ANO3: variants seen among roughly 807,000 people sequenced by gnomAD.
ANO3 encodes the protein anoctamin-3.
A neutral mutation model predicts 144.8 loss-of-function variants in ANO3; 99 were observed. The ratio of observed to expected loss-of-function variants is 0.68; its 90% CI spans 0.58 to 0.81. The LOEUF (loss-of-function observed/expected upper bound fraction) is 0.81. ANO3 is among the 30% of genes least tolerant of loss of function. The pLI is 0.00. For synonymous variants in ANO3, 414 were observed against 392.6 expected (o/e 1.05, Z -0.64); for missense variants, 905 against 1,202.2 (o/e 0.75, Z 3.66).
chr11:26,435,175 T>A (rs1858250295), intron 1 of ANO3, among the ~76,000 whole-genome samples: 2 of 152,162 alleles, frequency 1.3e-5, no homozygotes, highest in African/African-American at 4.8e-5. Flanking sequence ...GTAATGCACT[T>A]CTTTGTCTTT....
intron 1 of ANO3, among the ~76,000 whole-genome samples, chr11:26,295,933 G>A (rs1377395203): frequency 6.6e-6 from 1 of 152,104 alleles, no homozygotes; most frequent in Non-Finnish European, 1.5e-5. Flanking sequence ...AGATGTTTCT[G>A]TTTTTATTCA....
intron 10 of ANO3, among the ~76,000 whole-genome samples, chr11:26,538,258 A>G (rs1590485508): frequency 6.6e-6 from 1 of 152,346 alleles, no homozygotes; most frequent in East Asian, 1.9e-4. Context: ...TCTGTTTTGT[A>G]TATAGGTAAC....
At chr11:26,453,151 C>A (rs1859014663) in intron 3 of ANO3, among the ~76,000 whole-genome samples, 1 of 152,184 alleles carries the variant, frequency 6.6e-6, no homozygotes, top group Non-Finnish European at 1.5e-5. Context: ...ACCATTGAGA[C>A]TAGGAAGACA....
chr11:26,639,387 C>T, intron 21 of ANO3, 146 bp downstream of exon 21: 1 of 622,704 alleles, frequency 1.6e-6, no homozygotes, highest in South Asian at 1.9e-5. Flanking sequence ...AATGTCTGCC[C>T]ATGTGTAAAT....
upstream of ANO3, chr11:26,332,114 G>A (rs1378446356): frequency 2.0e-6 from 3 of 1,482,902 alleles, no homozygotes; most frequent in East Asian, 2.5e-5. Context: ...CAACGACACC[G>A]GCGGGCGCGT....
At chr11:26,352,740 C>A (rs1855680376) in intron 1 of ANO3, among the ~76,000 whole-genome samples, 1 of 152,192 alleles carries the variant, frequency 6.6e-6, no homozygotes, top group Non-Finnish European at 1.5e-5. Flanking sequence ...TGTTGACTTA[C>A]AACTTCTTCA....
intron 1 of ANO3, among the ~76,000 whole-genome samples, chr11:26,437,182 C>G (rs1858326520): frequency 6.6e-6 from 1 of 152,140 alleles, no homozygotes; most frequent in Non-Finnish European, 1.5e-5. Flanking sequence ...AGCTTCTTTC[C>G]TAGGGGTATG....
chr11:26,383,001 T>C (rs1214791897), intron 1 of ANO3, among the ~76,000 whole-genome samples: 2 of 152,168 alleles, frequency 1.3e-5, no homozygotes, highest in Non-Finnish European at 2.9e-5. Context: ...TCTATTAACA[T>C]TGTGATCTTC....
chr11:26,624,058 T>G (rs1249522215), intron 17 of ANO3, among the ~76,000 whole-genome samples: 2 of 152,100 alleles, frequency 1.3e-5, no homozygotes, highest in African/African-American at 4.8e-5. Context: ...AGTGCTGGGA[T>G]TACAGGCGTG....
chr11:26,541,626 A>C (rs555486881), intron 10 of ANO3, among the ~76,000 whole-genome samples: 1 of 90,334 alleles, frequency 1.1e-5, no homozygotes, highest in South Asian at 3.8e-4. Context: ...AATTTCTCTC[A>C]ATGATGGTGA....
intron 1 of ANO3, among the ~76,000 whole-genome samples, chr11:26,381,641 G>A (rs1856592159): frequency 6.6e-6 from 1 of 152,170 alleles, no homozygotes; most frequent in Non-Finnish European, 1.5e-5. Context: ...TTTGTTGACT[G>A]AAAGAATGAT....
chr11:26,326,360 CCTTT>C (rs1854881969), intron 1 of ANO3, among the ~76,000 whole-genome samples: 1 of 152,056 alleles, frequency 6.6e-6, no homozygotes, highest in African/African-American at 2.4e-5. Context: ...AAAAAATAAA[CCTTT>C]TCGCCCCATC....
chr11:26,460,014 C>T (rs1859325158), intron 3 of ANO3: 2 of 412,612 alleles, frequency 4.8e-6, no homozygotes, highest in Admixed American at 5.8e-5. Context: ...GGATGCGCCT[C>T]CATGATCCAA....
At position 26,663,015 on chromosome 11, in the gene ANO3, T is replaced by C. The variant is rs1853922422; in HGVS notation, c.*2571T>C. ...TGTCTTTTCAAGCAAATAACTAATA[T>C]ATATGTGCATGCAGTCTGCCTTGAC... On this transcript the variant is annotated 3_prime_UTR_variant, in exon 27 of 27. Transcript: ENST00000256737. The C allele has an allele frequency of 6.6e-6, 1 of 152,460 alleles. No homozygotes were observed. 9.4% of individuals were successfully genotyped at this position (152,460 alleles called of 1,614,324 possible).
chr11:26,307,813 A>G (rs1854418971), upstream of ANO3, among the ~76,000 whole-genome samples: 1 of 151,698 alleles, frequency 6.6e-6, no homozygotes, highest in Non-Finnish European at 1.5e-5. Context: ...CACATGATTG[A>G]ATTGCACTAC....
intron 7 of ANO3, among the ~76,000 whole-genome samples, chr11:26,528,995 T>C (rs1238914225): frequency 6.9e-6 from 1 of 145,012 alleles, no homozygotes; most frequent in Non-Finnish European, 1.5e-5. Flanking sequence ...AAGTAAGTGA[T>C]AACCTTACTT....
intron 4 of ANO3, among the ~76,000 whole-genome samples, chr11:26,505,684 G>A (rs1246972817): frequency 6.6e-6 from 1 of 152,038 alleles, no homozygotes; most frequent in Non-Finnish European, 1.5e-5. Context: ...ATTTAAGACA[G>A]CAAATTGGCC....
intron 17 of ANO3, among the ~76,000 whole-genome samples, chr11:26,610,404 TG>T (rs199771462): frequency 3.4e-5 from 5 of 147,962 alleles, no homozygotes; most frequent in African/African-American, 4.9e-5. Flanking sequence ...TCAGGTTATT[TG>T]TTTTTTTGTT....
intron 18 of ANO3, among the ~76,000 whole-genome samples, chr11:26,626,636 T>A (rs965138498): frequency 6.6e-6 from 1 of 152,204 alleles, no homozygotes; most frequent in South Asian, 2.1e-4. Context: ...GAAATCCTAG[T>A]GACAAACCTC....
Sources: allele counts gnomAD v4.1 joint callset (sites outside exome capture counted in the v4.1 genomes callset), GRCh38; gene constraint gnomAD v4.1.1; transcripts MANE v1.5; gene names NCBI Gene and HGNC (gene_info 2026-07-23, HGNC 2026-07-21).